Variants in DTWD2 observed in about 807,000 individuals in gnomAD.
DTWD2 encodes the protein DTW motif tRNA-uridine aminocarboxypropyltransferase 2.
A neutral mutation model predicts 31.8 loss-of-function variants in DTWD2; 39 were observed. The ratio of observed to expected loss-of-function variants is 1.22; its 90% confidence interval spans 0.95 to 1.60. DTWD2 has a LOEUF of 1.60. Ranked by LOEUF, DTWD2 falls within the 40% of genes most tolerant of loss-of-function variation. The pLI, the probability that DTWD2 is intolerant of heterozygous loss-of-function variation, is 0.00. For missense variants in DTWD2, 515 were observed against 381.5 expected, an observed-to-expected ratio of 1.35 and a Z score of -2.92; for synonymous variants, 180 against 142.8, an observed-to-expected ratio of 1.26 and a Z score of -1.86.
At chr5:118,945,774 A>G (rs569466574) in intron 1 of DTWD2, among the ~76,000 whole-genome samples, 5 of 134,296 alleles carry the variant, frequency 3.7e-5, no homozygotes, top group Middle Eastern at 4.0e-3. Context: ...CAAAAAAAAA[A>G]AAAGAAAGAA....
chr5:118,958,900 C>G lies in DTWD2; in HGVS notation c.219-14251G>C, dbSNP rs567919794. 2.0e-5 allele frequency among the ~76,000 whole-genome samples: 3 copies of G among 152,180 alleles called. No homozygotes were observed. The East Asian group carries it at 5.8e-4, about 29-fold the overall frequency. ...AAGGCTTTCAATAAAATCCAGCATC[C>G]CTTCATGTTAAAAATCCTCAACAAA... On this transcript the variant is annotated intron_variant, in intron 1 of 5. Transcript: ENST00000510708.
At chr5:118,904,249 T>C (rs991892674) in intron 4 of DTWD2, among the ~76,000 whole-genome samples, 10 of 152,072 alleles carry the variant, frequency 6.6e-5, no homozygotes, top group African/African-American at 2.2e-4. Flanking sequence ...CTTCCAGAAA[T>C]CTAATAAAAA....
chr5:118,870,176 T>C (rs1319710529), intron 4 of DTWD2, among the ~76,000 whole-genome samples: 1 of 152,198 alleles, frequency 6.6e-6, no homozygotes, highest in Non-Finnish European at 1.5e-5. Flanking sequence ...TTACCCAGCC[T>C]TAGGTATTCC....
intron 4 of DTWD2, among the ~76,000 whole-genome samples, chr5:118,875,406 G>A (rs1752597717): frequency 6.6e-6 from 1 of 151,808 alleles, no homozygotes; most frequent in South Asian, 2.1e-4. Context: ...GACACAGCAT[G>A]GCAACCTGTA....
intron 3 of DTWD2, among the ~76,000 whole-genome samples, chr5:118,932,120 A>G (rs1302465648): frequency 6.6e-6 from 1 of 152,098 alleles, no homozygotes; most frequent in Non-Finnish European, 1.5e-5. Context: ...CACATTAAGA[A>G]AAAGGAAAGA....
intron 4 of DTWD2, among the ~76,000 whole-genome samples, chr5:118,852,377 G>A (rs1264145815): frequency 2.0e-5 from 3 of 152,120 alleles, no homozygotes; most frequent in Admixed American, 6.6e-5. Context: ...AGTAAGACAG[G>A]TGTAAGAAAT....
At chr5:118,967,221 C>G (rs1754872827) in intron 1 of DTWD2, among the ~76,000 whole-genome samples, 1 of 152,032 alleles carries the variant, frequency 6.6e-6, no homozygotes, top group African/African-American at 2.4e-5. Context: ...GGGAGGAAGA[C>G]TAGAATGAAC....
At chr5:118,945,201 C>T (rs1268325968) in intron 1 of DTWD2, among the ~76,000 whole-genome samples, 1 of 152,146 alleles carries the variant, frequency 6.6e-6, no homozygotes, top group Non-Finnish European at 1.5e-5. Flanking sequence ...GAGTATTTGC[C>T]TTTTCCATTT....
chr5:118,851,782 A>T (rs1335399772), intron 4 of DTWD2, among the ~76,000 whole-genome samples: 1 of 151,332 alleles, frequency 6.6e-6, no homozygotes, highest in Non-Finnish European at 1.5e-5. Flanking sequence ...TGGCACATGT[A>T]TACATATGTA....
At chr5:118,842,020 G>A (rs1366227549) in intron 5 of DTWD2, among the ~76,000 whole-genome samples, 3 of 152,134 alleles carry the variant, frequency 2.0e-5, no homozygotes, top group African/African-American at 7.2e-5. Context: ...ATTAACAAAT[G>A]TAGTAAGGGT....
chr5:118,919,278 T>C (rs1417328785), intron 4 of DTWD2, among the ~76,000 whole-genome samples: 1 of 152,244 alleles, frequency 6.6e-6, no homozygotes, highest in Non-Finnish European at 1.5e-5. Context: ...ACATAGGAAC[T>C]GCCAGCACAT....
At chr5:118,926,446 G>C in intron 4 of DTWD2, among the ~76,000 whole-genome samples, 1 of 152,132 alleles carries the variant, frequency 6.6e-6, no homozygotes. Context: ...AGTGTACACT[G>C]CTCAGGTGAC....
At chr5:118,893,595 T>C (rs1172406662) in intron 4 of DTWD2, among the ~76,000 whole-genome samples, 1 of 152,114 alleles carries the variant, frequency 6.6e-6, no homozygotes, top group Non-Finnish European at 1.5e-5. Context: ...AAATTAAAGA[T>C]GTTCAGATGG....
At chr5:118,929,986 T>C (rs974635633) in intron 3 of DTWD2, among the ~76,000 whole-genome samples, 2 of 152,226 alleles carry the variant, frequency 1.3e-5, no homozygotes, top group Non-Finnish European at 2.9e-5. Flanking sequence ...GTTTTTGCCA[T>C]AATAACCAGC....
At chr5:118,851,423 C>T (rs893062298) in intron 4 of DTWD2, among the ~76,000 whole-genome samples, 2 of 151,822 alleles carry the variant, frequency 1.3e-5, no homozygotes, top group African/African-American at 4.8e-5. Flanking sequence ...AGTCACAAAA[C>T]CAGCAAGTTT....
rs189015978 is a variant in DTWD2, at chr5:118,978,701, T to A, written c.218+9593A>T. ...TACCATCTCATGCCAGTCAGAATGG[T>A]GACTATCAAAACGTCAACAAATGGC... On this transcript the variant is annotated intron_variant, in intron 1 of 5. Coordinates refer to ENST00000510708, the MANE Select transcript of DTWD2 (RefSeq NM_173666.4). 1.4e-3 allele frequency among the ~76,000 whole-genome samples: 211 copies of A among 152,142 alleles called. 3 individuals carry two copies. The highest frequency in any genetic ancestry group is 7.4e-5 in the Non-Finnish European group (5 of 67,958).
At chr5:118,915,414 G>A (rs565490755) in intron 4 of DTWD2, among the ~76,000 whole-genome samples, 99 of 143,312 alleles carry the variant, frequency 6.9e-4, no homozygotes, top group Middle Eastern at 3.7e-3. Flanking sequence ...TCGCTCTGTC[G>A]CCCAGGCTGG....
intron 4 of DTWD2, among the ~76,000 whole-genome samples, chr5:118,899,209 A>G (rs1753149935): frequency 6.6e-6 from 1 of 152,268 alleles, no homozygotes; most frequent in African/African-American, 2.4e-5. Context: ...CCTGAGCTCA[A>G]GAAGACTGTG....
chr5:118,983,486 C>G (rs1755353643), intron 1 of DTWD2, among the ~76,000 whole-genome samples: 1 of 152,018 alleles, frequency 6.6e-6, no homozygotes, highest in African/African-American at 2.4e-5. Flanking sequence ...CTGCACTCTT[C>G]CCTTCTCTCT....
Sources: allele counts gnomAD v4.1 joint callset (sites outside exome capture counted in the v4.1 genomes callset), GRCh38; gene constraint gnomAD v4.1.1; transcripts MANE v1.5; gene names NCBI Gene and HGNC (gene_info 2026-07-23, HGNC 2026-07-21).